CADPS2: variants seen among roughly 807,000 people sequenced by gnomAD.
CADPS2 encodes the protein calcium dependent secretion activator 2, also known as calcium-dependent secretion activator 2.
In CADPS2, 93 loss-of-function variants were observed where a neutral mutation model predicts 172.5. The observed-to-expected ratio is 0.54, with a 90% CI of 0.46 to 0.64. CADPS2 has a LOEUF of 0.64. CADPS2 is among the 30% of genes least tolerant of loss of function. The pLI is 0.00. For missense variants in CADPS2, 1,420 were observed against 1,565.9 expected (o/e 0.91, Z 1.57); for synonymous variants, 546 against 555.2 (o/e 0.98, Z 0.23).
At chr7:122,689,676 C>A (rs1336612930) in intron 2 of CADPS2, among the ~76,000 whole-genome samples, 1 of 152,170 alleles carries the variant, frequency 6.6e-6, no homozygotes, top group Non-Finnish European at 1.5e-5. Flanking sequence ...CCCTCACAGA[C>A]CCATCAACTC....
At chr7:122,630,459 T>C (rs2076474075) in intron 3 of CADPS2, among the ~76,000 whole-genome samples, 1 of 150,808 alleles carries the variant, frequency 6.6e-6, no homozygotes, top group African/African-American at 2.4e-5. Flanking sequence ...ACACACACAG[T>C]GGTTCTTTTG....
chr7:122,546,807 C>T (rs919963017), intron 8 of CADPS2, among the ~76,000 whole-genome samples: 1 of 152,250 alleles, frequency 6.6e-6, no homozygotes, highest in African/African-American at 2.4e-5. Context: ...CAGTCTAGGA[C>T]TCTTCCTGCC....
At chr7:122,564,019 A>G (rs1260479310) in intron 7 of CADPS2, among the ~76,000 whole-genome samples, 1 of 152,158 alleles carries the variant, frequency 6.6e-6, no homozygotes, top group Non-Finnish European at 1.5e-5. Context: ...ATGATCAACC[A>G]TTAAGTATAA....
At chr7:122,371,862 C>G (rs754518936) in intron 25 of CADPS2, among the ~76,000 whole-genome samples, 1 of 152,004 alleles carries the variant, frequency 6.6e-6, no homozygotes, top group Admixed American at 6.5e-5. Flanking sequence ...ATGGAGACAG[C>G]AAATGCAAAA....
chr7:122,769,368 T>C (rs2093645756), intron 1 of CADPS2, among the ~76,000 whole-genome samples: 1 of 152,130 alleles, frequency 6.6e-6, no homozygotes, highest in Non-Finnish European at 1.5e-5. Flanking sequence ...GACCCACAAC[T>C]TACAGGGACA....
chr7:122,810,443 T>C (rs969555862), intron 1 of CADPS2, among the ~76,000 whole-genome samples: 1 of 152,210 alleles, frequency 6.6e-6, no homozygotes, highest in African/African-American at 2.4e-5. Flanking sequence ...CATTTCTCTA[T>C]GAAATTCTCA....
chr7:122,649,328 T>C (rs2134891751), intron 3 of CADPS2, among the ~76,000 whole-genome samples: 1 of 152,198 alleles, frequency 6.6e-6, no homozygotes, highest in African/African-American at 2.4e-5. Flanking sequence ...CAATTAAATG[T>C]CCAAGAAAGA....
At chr7:122,809,116 T>TGGTTCTGCTTCATGTGGTTATACA (rs1311327965) in intron 1 of CADPS2, among the ~76,000 whole-genome samples, 1 of 152,126 alleles carries the variant, frequency 6.6e-6, no homozygotes, top group Non-Finnish European at 1.5e-5. Context: ...TGGTTTTCTG[T>TGGTTCTGCTTCATGTGGTTATACA]ATATACATTG....
chr7:122,821,912 T>C (rs373542690), intron 1 of CADPS2, among the ~76,000 whole-genome samples: 2 of 151,384 alleles, frequency 1.3e-5, no homozygotes, highest in African/African-American at 4.9e-5. Flanking sequence ...CCTGTATAGA[T>C]GCTCCTTTTT....
chr7:122,496,838 G>T lies in CADPS2; in HGVS notation c.1543-5418C>A, dbSNP rs183971698. Among the ~76,000 whole-genome samples the T allele has an allele frequency of 2.0e-3, 299 of 152,024 alleles. 2 individuals are homozygous for T. Among genetic ancestry groups the T allele is most frequent in the Non-Finnish European group, 3.5e-3 (241 of 67,974 alleles). On this transcript the variant is annotated intron_variant, in intron 9 of 29. Coordinates refer to ENST00000449022, the MANE Select transcript of CADPS2 (RefSeq NM_017954.11). ...ATTCAGTGATTATTCACGTCCATTA[G>T]GTCAAATTTACTAATTGTCAAATAT...
At chr7:122,535,172 G>A (rs1431967580) in intron 8 of CADPS2, among the ~76,000 whole-genome samples, 2 of 152,030 alleles carry the variant, frequency 1.3e-5, no homozygotes, top group Non-Finnish European at 2.9e-5. Flanking sequence ...CACTTAAAGA[G>A]AAAAGTATTT....
chr7:122,882,208 CA>C (rs1329609933), intron 1 of CADPS2, among the ~76,000 whole-genome samples: 3 of 152,126 alleles, frequency 2.0e-5, no homozygotes, highest in African/African-American at 7.2e-5. Context: ...TATTTACATA[CA>C]TTTCTCAAAC....
At chr7:122,776,560 G>GA (rs369023498) in intron 1 of CADPS2, among the ~76,000 whole-genome samples, 48 of 143,656 alleles carry the variant, frequency 3.3e-4, no homozygotes, top group African/African-American at 1.2e-3. Flanking sequence ...GGAGGGCTCA[G>GA]AAAAAAGAAA....
intron 24 of CADPS2, among the ~76,000 whole-genome samples, chr7:122,381,134 C>T (rs1004401158): frequency 6.6e-6 from 1 of 152,020 alleles, no homozygotes; most frequent in African/African-American, 2.4e-5. Flanking sequence ...GACACACTTA[C>T]AAAAAAGGCC....
chr7:122,630,162 T>C (rs2076439139), intron 3 of CADPS2, among the ~76,000 whole-genome samples: 1 of 152,184 alleles, frequency 6.6e-6, no homozygotes, highest in African/African-American at 2.4e-5. Context: ...AAGCCTGGAC[T>C]GCACAATACA....
intron 3 of CADPS2, among the ~76,000 whole-genome samples, chr7:122,640,154 C>A (rs913867815): frequency 5.9e-5 from 9 of 152,162 alleles, no homozygotes; most frequent in African/African-American, 2.2e-4. Context: ...ACTTCTCTCT[C>A]CCTCACAGTC....
intron 13 of CADPS2, among the ~76,000 whole-genome samples, chr7:122,472,771 A>G (rs560807385): frequency 6.6e-6 from 1 of 152,288 alleles, no homozygotes; most frequent in East Asian, 1.9e-4. Flanking sequence ...ATGTGATTGT[A>G]AAGTTTGAGT....
intron 6 of CADPS2, among the ~76,000 whole-genome samples, chr7:122,604,502 G>T (rs1392324218): frequency 6.6e-6 from 1 of 152,060 alleles, no homozygotes; most frequent in East Asian, 1.9e-4. Flanking sequence ...TTTAAGAGTT[G>T]CAGCATCTTA....
chr7:122,880,267 T>C (rs141755648), intron 1 of CADPS2, among the ~76,000 whole-genome samples: 34 of 152,280 alleles, frequency 2.2e-4, no homozygotes, highest in African/African-American at 7.5e-4. Context: ...TACTTTCTGT[T>C]GCTAATGTGG....
Sources: gnomAD v4.1 joint callset for allele counts (sites outside exome capture counted in the v4.1 genomes callset) on GRCh38, gnomAD v4.1.1 for gene constraint, MANE v1.5 for transcripts, NCBI Gene and HGNC (gene_info 2026-07-23, HGNC 2026-07-21) for gene names.